Variants in CFAP92 observed in about 807,000 individuals in gnomAD.
CFAP92 encodes the protein cilia and flagella associated protein 92 (putative).
CFAP92 carries 86 observed loss-of-function variants against 106.3 expected under a neutral mutation model. The observed-to-expected ratio is 0.81, with a 90% CI of 0.68 to 0.97. The LOEUF is 0.97. Among genes scored for constraint, CFAP92 ranks in the 50% least tolerant of loss-of-function variants. CFAP92 has a pLI of 0.00. For missense variants in CFAP92, 1,204 were observed against 1,283.8 expected, an observed-to-expected ratio of 0.94 and a Z score of 0.95; for synonymous variants, 477 against 506.4, an observed-to-expected ratio of 0.94 and a Z score of 0.78.
chr3:129,003,256 G>C (rs865848181), upstream of CFAP92: 2 of 985,274 alleles, frequency 2.0e-6, no homozygotes, highest in Non-Finnish European at 1.2e-6. Context: ...CATGGGATGC[G>C]CCTGAACGGT....
At position 128,953,620 on chromosome 3, in the gene CFAP92, C is replaced by CGTCTCCGT. The variant is rs1165590157; in HGVS notation, c.1354-7646_1354-7645insACGGAGAC. Among the ~76,000 whole-genome samples the CGTCTCCGT allele has an allele frequency of 4.3e-3, 515 of 119,418 alleles. 9 individuals carry two copies. The highest frequency in any genetic ancestry group is 0.022 in the African/African-American group (474 of 21,422). 78.3% of individuals were successfully genotyped at this position (119,418 alleles called of 152,430 possible). On this transcript the variant is annotated intron_variant, in intron 9 of 15. Coordinates refer to ENST00000645291, the MANE Select transcript of CFAP92 (RefSeq NM_001394090.1). ...CCCTCCCCCTCTCCCTCTCCCTCTCCCTCCCTCTCCGTCTCCCTCTCCCCA... is the reference window on the plus strand; with the variant it reads ...CCCTCCCCCTCTCCCTCTCCCTCTCCGTCTCCGTCTCCCTCTCCGTCTCCCTCTCCCCA...
At chr3:128,963,529 G>A (rs181050654) in intron 9 of CFAP92, among the ~76,000 whole-genome samples, 5 of 152,022 alleles carry the variant, frequency 3.3e-5, no homozygotes, top group East Asian at 1.9e-4. Flanking sequence ...TTCCTGGCCC[G>A]GACTTCAATC....
At chr3:128,938,137 T>C (rs1284751328) in intron 10 of CFAP92, among the ~76,000 whole-genome samples, 1 of 150,206 alleles carries the variant, frequency 6.7e-6, no homozygotes, top group Non-Finnish European at 1.5e-5. Flanking sequence ...GAGGCTGAGG[T>C]GGGAGGATTG....
intron 9 of CFAP92, among the ~76,000 whole-genome samples, chr3:128,959,911 G>A (rs1268764335): frequency 6.6e-6 from 1 of 152,192 alleles, no homozygotes; most frequent in African/African-American, 2.4e-5. Flanking sequence ...ATCCACAAAA[G>A]AAATAAAAAC....
intron 15 of CFAP92, 194 bp downstream of exon 15, chr3:128,914,925 A>G: frequency 3.4e-6 from 2 of 595,616 alleles, no homozygotes; most frequent in South Asian, 4.5e-5. Flanking sequence ...ACTTGGGGCT[A>G]GAATCCTGGT....
At chr3:128,910,940 G>A (rs543345927) in intron 15 of CFAP92, 34 of 1,184,458 alleles carry the variant, frequency 2.9e-5, no homozygotes, top group Admixed American at 3.5e-5. Context: ...TGCCTTGAGC[G>A]AGGGCCTGGG....
chr3:128,976,092 T>A (rs1943138682), intron 6 of CFAP92, among the ~76,000 whole-genome samples, 189 bp from the exon 7 acceptor site: 1 of 152,214 alleles, frequency 6.6e-6, no homozygotes. Flanking sequence ...AAATAAAATG[T>A]AGACTCTGGT....
chr3:128,965,456 G>T, intron 9 of CFAP92, 55 bp downstream of exon 9: 1 of 398,854 alleles, frequency 2.5e-6, no homozygotes, highest in East Asian at 3.6e-5. Context: ...CATGTGACGG[G>T]CAGGTGGGTG....
chr3:128,924,505 C>T (rs150609000), intron 12 of CFAP92, among the ~76,000 whole-genome samples: 5,940 of 126,890 alleles, frequency 0.047, 166 homozygotes, highest in Middle Eastern at 0.079. Flanking sequence ...AGTGCAATGG[C>T]GCGATCTTGG....
intron 8 of CFAP92, chr3:128,969,798 T>C (rs141168238): frequency 1.3e-5 from 2 of 152,388 alleles, no homozygotes; most frequent in South Asian, 2.1e-4. Flanking sequence ...CTGTGTGCAA[T>C]AGGTATGCTG....
chr3:128,977,894 A>C, intron 5 of CFAP92, 151 bp downstream of exon 5: 1 of 845,952 alleles, frequency 1.2e-6, no homozygotes, highest in Non-Finnish European at 1.9e-6. Context: ...CAAGAGCAAT[A>C]CAGCCGTGTG....
intron 15 of CFAP92, among the ~76,000 whole-genome samples, chr3:128,914,336 T>G (rs959236740): frequency 2.0e-5 from 3 of 151,914 alleles, no homozygotes; most frequent in African/African-American, 7.3e-5. Context: ...ACCTGGGAGA[T>G]CTAGGGCCTA....
At chr3:128,925,329 C>T (rs997012449) in intron 12 of CFAP92, among the ~76,000 whole-genome samples, 8 of 152,108 alleles carry the variant, frequency 5.3e-5, no homozygotes, top group Admixed American at 1.3e-4. Context: ...GAATCTAATG[C>T]CACCACTGAT....
rs918560226 is a variant in CFAP92, at chr3:128,909,918, G to T, written c.*381C>A. The T allele has an allele frequency of 6.6e-7, 1 of 1,523,230 alleles. No individual in the cohort carries two copies. The allele number at this position is 1,523,230 out of a possible 1,614,324, so 94.4% of individuals were successfully genotyped here. On this transcript the variant is annotated 3_prime_UTR_variant, in exon 16 of 16. Transcript: ENST00000645291. The stretch of plus-strand genomic sequence containing the variant: ...GGTGTTATTGACTCCACTTTCTCAA[G>T]GAACACAGGAGACTAAGACAGGCAA...
chr3:128,992,285 G>A (rs1305521529), intron 2 of CFAP92, among the ~76,000 whole-genome samples: 1 of 152,116 alleles, frequency 6.6e-6, no homozygotes, highest in Non-Finnish European at 1.5e-5. Context: ...TTTTTGGCCG[G>A]GTGCGGTGGC....
rs150009928 is a variant in CFAP92, at chr3:128,917,156, G to A, written c.2752-885C>T. 3.2e-3 allele frequency among the ~76,000 whole-genome samples: 481 copies of A among 152,332 alleles called. 8 individuals carry two copies. The highest frequency in any genetic ancestry group is 0.029 in the South Asian group (142 of 4,832). On this transcript the variant is annotated intron_variant, in intron 12 of 15. Transcript: ENST00000645291. Reference sequence around the variant, plus strand: ...GGTCCTCAGACTTTGGAGCACCTGCGAGAAGATTATACTAGGGATGCCACA... The same window carrying A: ...GGTCCTCAGACTTTGGAGCACCTGCAAGAAGATTATACTAGGGATGCCACA...
chr3:128,958,801 TA>T (rs1055614142), intron 9 of CFAP92, among the ~76,000 whole-genome samples: 1 of 151,878 alleles, frequency 6.6e-6, no homozygotes, highest in Non-Finnish European at 1.5e-5. Context: ...CTAGGGAGGC[TA>T]AGGCAGGAGG....
Position 128,916,161 on chromosome 3 carries a change from C to T in CFAP92, c.2862G>A (p.Gln954=), listed in dbSNP as rs1936800237. Residue 954 remains glutamine, a synonymous_variant, in exon 13 of 16, where the codon CAG becomes CAA. Coordinates refer to ENST00000645291, the MANE Select transcript of CFAP92 (RefSeq NM_001394090.1). ...TGGCAAGCTCTGTAGAATTCATGGT[C>T]TGGGTACTATAGTTGTAGACGGCCT... ...ANKAVYNYST[Q]TMNSTELAKK... is the part of the protein sequence containing the mutation. 1 of 1,232,048 alleles carries T rather than the reference C, an allele frequency of 8.1e-7. No homozygotes were observed. Among genetic ancestry groups the T allele is most frequent in the Non-Finnish European group, 1.0e-6 (1 of 987,996 alleles). 76.3% of individuals were successfully genotyped at this position (1,232,048 alleles called of 1,614,324 possible).
chr3:128,918,972 A>C (rs148844504), intron 12 of CFAP92, among the ~76,000 whole-genome samples: 18 of 118,744 alleles, frequency 1.5e-4, no homozygotes, highest in African/African-American at 6.1e-4. Flanking sequence ...TTTGAGACAG[A>C]GTTTTGCTCT....
Sources: gnomAD v4.1 joint callset for allele counts (sites outside exome capture counted in the v4.1 genomes callset) on GRCh38, gnomAD v4.1.1 for gene constraint, MANE v1.5 for transcripts, NCBI Gene and HGNC (gene_info 2026-07-23, HGNC 2026-07-21) for gene names.